RBFOX3: variants seen among roughly 807,000 people sequenced by gnomAD.
RBFOX3 encodes RNA binding protein fox-1 homolog 3.
Under a neutral mutation model 48.7 loss-of-function variants are expected in RBFOX3, and 17 were observed. That is an observed-to-expected ratio of 0.35 (90% CI 0.24 to 0.52). RBFOX3 has a LOEUF of 0.52. Ranked by LOEUF, RBFOX3 falls within the 20% of genes least tolerant of loss-of-function variation. The pLI, the probability that RBFOX3 is intolerant of heterozygous loss-of-function variation, is 0.94. For missense variants in RBFOX3, 382 were observed against 497.5 expected, an observed-to-expected ratio of 0.77 and a Z score of 2.21; for synonymous variants, 212 against 209.5, an observed-to-expected ratio of 1.01 and a Z score of -0.10.
rs189162646 is a variant in RBFOX3, at chr17:79,191,639, G to A, written c.-34+44127C>T. On this transcript the variant is annotated intron_variant, in intron 4 of 14. Transcript: ENST00000693108. ...CGGGCCATGGAGTGACGAGGCGGCC[G>A]GCGGCGGGAGGTAGGGGTGCAAGGT... 3.3e-5 allele frequency among the ~76,000 whole-genome samples: 5 copies of A among 152,348 alleles called. No homozygotes were observed. In the East Asian group the frequency reaches 5.8e-4, roughly 18 times the overall value.
chr17:79,433,115 C>T (rs1354474018), intron 2 of RBFOX3, among the ~76,000 whole-genome samples: 9 of 152,200 alleles, frequency 5.9e-5, no homozygotes, highest in African/African-American at 1.4e-4. Flanking sequence ...GGGACACAGA[C>T]GTCTCTGCAG....
At chr17:79,282,799 C>T (rs759309776) in intron 3 of RBFOX3, among the ~76,000 whole-genome samples, 8 of 152,248 alleles carry the variant, frequency 5.3e-5, no homozygotes, top group Non-Finnish European at 8.8e-5. Flanking sequence ...TGAGGGCAGC[C>T]GCAGGCTGGG....
intron 2 of RBFOX3, among the ~76,000 whole-genome samples, chr17:79,381,216 C>T (rs984799429): frequency 4.0e-5 from 6 of 151,456 alleles, no homozygotes; most frequent in Non-Finnish European, 2.9e-5. Flanking sequence ...GCCAAGATCC[C>T]GCCACTGCAT....
At chr17:79,394,746 C>A (rs1172523966) in intron 2 of RBFOX3, among the ~76,000 whole-genome samples, 1 of 152,226 alleles carries the variant, frequency 6.6e-6, no homozygotes, top group East Asian at 1.9e-4. Context: ...TGAGCCCCCA[C>A]TGACCCACAC....
chr17:79,492,649 T>C (rs2149616886), intron 1 of RBFOX3, among the ~76,000 whole-genome samples: 1 of 152,368 alleles, frequency 6.6e-6, no homozygotes, highest in Non-Finnish European at 1.5e-5. Context: ...CCCAGATTCC[T>C]GAACCTCAGA....
At chr17:79,280,608 G>A (rs1406060943) in intron 3 of RBFOX3, among the ~76,000 whole-genome samples, 2 of 152,196 alleles carry the variant, frequency 1.3e-5, no homozygotes, top group East Asian at 3.9e-4. Context: ...AGGAGAACAC[G>A]CTGATTCAGG....
chr17:79,154,699 G>A (rs777924512), intron 4 of RBFOX3, among the ~76,000 whole-genome samples: 82 of 152,244 alleles, frequency 5.4e-4, no homozygotes, highest in Admixed American at 2.0e-3. Context: ...CAGATCAGCC[G>A]CACCAAAGAC....
intron 1 of RBFOX3, among the ~76,000 whole-genome samples, chr17:79,605,513 C>A (rs1177473695): frequency 6.6e-6 from 1 of 152,154 alleles, no homozygotes; most frequent in Non-Finnish European, 1.5e-5. Context: ...CAGAGACCTG[C>A]GCATACAGAG....
intron 4 of RBFOX3, among the ~76,000 whole-genome samples, chr17:79,180,588 T>C (rs2051686070): frequency 6.6e-6 from 1 of 152,188 alleles, no homozygotes; most frequent in Admixed American, 6.5e-5. Context: ...CTGTGGCCTT[T>C]ACCTCCGGGG....
Position 79,237,029 on chromosome 17 carries a change from G to A in RBFOX3, c.-73-1224C>T, listed in dbSNP as rs142416680. 1.8e-3 allele frequency among the ~76,000 whole-genome samples: 275 copies of A among 152,274 alleles called. 2 individuals are homozygous for A. The highest frequency in any genetic ancestry group is 3.1e-3 in the Non-Finnish European group (210 of 68,024). On this transcript the variant is annotated intron_variant, in intron 3 of 14. Coordinates refer to ENST00000693108, the MANE Select transcript of RBFOX3 (RefSeq NM_001350451.2). ...AATGTACAATTCAGTGGTATTGAGT[G>A]CATTCACACTGCTGTCAATCACTGC...
At chr17:79,108,083 G>A (rs531936443) in intron 5 of RBFOX3, among the ~76,000 whole-genome samples, 13 of 152,312 alleles carry the variant, frequency 8.5e-5, no homozygotes, top group African/African-American at 3.1e-4. Flanking sequence ...TACACCCTGT[G>A]CATTTGAATC....
chr17:79,165,927 G>T, intron 4 of RBFOX3, among the ~76,000 whole-genome samples: 1 of 152,230 alleles, frequency 6.6e-6, no homozygotes, highest in East Asian at 1.9e-4. Context: ...ACGCGGCGGG[G>T]TTGCTGAGGA....
intron 2 of RBFOX3, among the ~76,000 whole-genome samples, chr17:79,415,355 C>T (rs547063349): frequency 6.6e-6 from 1 of 152,316 alleles, no homozygotes; most frequent in African/African-American, 2.4e-5. Flanking sequence ...CTCCAAGGTC[C>T]ATTTTTTGAT....
At chr17:79,426,505 G>A (rs188621293) in intron 2 of RBFOX3, among the ~76,000 whole-genome samples, 59 of 152,258 alleles carry the variant, frequency 3.9e-4, no homozygotes, top group African/African-American at 1.3e-3. Flanking sequence ...CCTTCCAGCC[G>A]ATGGGGCAGG....
rs572577507 is a variant in RBFOX3 at position 79,388,515 on chromosome 17, C to T, written c.-174-80691G>A. ...ATGCGCCTTACTTAGTCACCAAAGGCAGGCATTTTTAAAAGAGAAGATTTT... is the reference window on the plus strand; with the variant it reads ...ATGCGCCTTACTTAGTCACCAAAGGTAGGCATTTTTAAAAGAGAAGATTTT... On this transcript the variant is annotated intron_variant, in intron 2 of 14. Coordinates refer to ENST00000693108, the MANE Select transcript of RBFOX3 (RefSeq NM_001350451.2). Among the ~76,000 whole-genome samples, 5 of 152,352 alleles carry T rather than the reference C, an allele frequency of 3.3e-5. No homozygotes were observed. In the South Asian group the frequency reaches 1.0e-3, roughly 32 times the overall value.
chr17:79,092,588 G>C, intron 14 of RBFOX3: 2 of 987,734 alleles, frequency 2.0e-6, no homozygotes, highest in Non-Finnish European at 2.4e-6. Context: ...TTAGGGGCTG[G>C]GTCTCTTGCT....
intron 2 of RBFOX3, among the ~76,000 whole-genome samples, chr17:79,465,117 C>T (rs2076140945): frequency 1.3e-5 from 2 of 152,178 alleles, no homozygotes; most frequent in African/African-American, 2.4e-5. Flanking sequence ...CCACCTCCCT[C>T]GTGTCTTCCT....
chr17:79,174,471 T>C (rs112048515), intron 4 of RBFOX3, among the ~76,000 whole-genome samples: 2,348 of 151,186 alleles, frequency 0.016, 69 homozygotes, highest in African/African-American at 0.053. Flanking sequence ...ATGCACACAA[T>C]GCAGTCACAC....
In RBFOX3 at chr17:79,481,699, G is replaced by C. The variant is rs1403678922; in HGVS notation, c.-175+755C>G. 6.6e-6 allele frequency among the ~76,000 whole-genome samples: 1 copy of C among 152,324 alleles called. No homozygotes were observed. Among genetic ancestry groups the C allele is most frequent in the East Asian group, 1.9e-4 (1 of 5,186 alleles). On this transcript the variant is annotated intron_variant, in intron 2 of 14. Coordinates refer to ENST00000693108, the MANE Select transcript of RBFOX3 (RefSeq NM_001350451.2). This position sits in a 1 kb window ranked among gnomAD's most constrained non-coding sequence, Gnocchi z 5.4. ...CAGGGTGGTGCATCCTAACACCATG[G>C]GGAATGGGTGTGGATGCTCCGAACT...
Sources: allele counts gnomAD v4.1 joint callset (sites outside exome capture counted in the v4.1 genomes callset), GRCh38; gene constraint gnomAD v4.1.1; non-coding constraint Gnocchi (gnomAD v3.1); transcripts MANE v1.5; gene names NCBI Gene and HGNC (gene_info 2026-07-23, HGNC 2026-07-21).